The following SUDS3 variants were observed in gnomAD, a reference collection of about 807,000 sequenced individuals.
SUDS3 encodes SIN3A corepressor complex component SDS3.
SUDS3 carries 23 observed loss-of-function variants against 53.5 expected under a neutral mutation model. The ratio of observed to expected loss-of-function variants is 0.43; its 90% CI spans 0.31 to 0.61. The LOEUF is 0.61. Among genes scored for constraint, SUDS3 ranks in the 20% least tolerant of loss-of-function variants. SUDS3 has a pLI of 0.10. For missense variants in SUDS3, 291 were observed against 405.9 expected (o/e 0.72, Z 2.43); for synonymous variants, 150 against 148.5 (o/e 1.01, Z -0.08).
intron 3 of SUDS3, among the ~76,000 whole-genome samples, chr12:118,385,836 C>T (rs1211490560): frequency 6.6e-6 from 1 of 152,148 alleles, no homozygotes; most frequent in Non-Finnish European, 1.5e-5. Context: ...CAGACTGTTG[C>T]AGCAACTGAT....
rs780794139 is a variant in SUDS3, at chr12:118,401,739, A to T, written c.614-20A>T. On this transcript the variant is annotated intron_variant, in intron 7 of 11. Transcript: ENST00000543473. ...CCTGGAAACTGTACTTTTCACATACAGTCCTTTAACTCTCAACACCCCAGC... is the reference window on the plus strand; with the variant it reads ...CCTGGAAACTGTACTTTTCACATACTGTCCTTTAACTCTCAACACCCCAGC... The T allele has an allele frequency of 6.2e-7, 1 of 1,608,090 alleles. No individual in the cohort carries two copies. The highest frequency in any genetic ancestry group is 8.5e-7 in the Non-Finnish European group (1 of 1,174,640).
At chr12:118,389,579 T>C (rs947616207) in intron 4 of SUDS3, among the ~76,000 whole-genome samples, 16 of 151,192 alleles carry the variant, frequency 1.1e-4, no homozygotes, top group African/African-American at 3.9e-4. Context: ...TGGCACAATC[T>C]CAGCTTACTG....
chr12:118,412,553 AC>A (rs1423999921), intron 11 of SUDS3, among the ~76,000 whole-genome samples: 1 of 152,180 alleles, frequency 6.6e-6, no homozygotes, highest in Non-Finnish European at 1.5e-5. Context: ...CCAAGTCAGA[AC>A]CAGAACAGGG....
chr12:118,413,749 G>T (rs2046377752), intron 11 of SUDS3, among the ~76,000 whole-genome samples: 1 of 152,202 alleles, frequency 6.6e-6, no homozygotes, highest in South Asian at 2.1e-4. Context: ...GTCTGTGAGA[G>T]GGGGATATGG....
At chr12:118,386,822 G>C (rs2046119150) in intron 4 of SUDS3, among the ~76,000 whole-genome samples, 2 of 152,190 alleles carry the variant, frequency 1.3e-5, no homozygotes, top group Admixed American at 6.5e-5. Context: ...GGAACACCGA[G>C]TTAAAGAGCC....
chr12:118,400,818 C>T, intron 7 of SUDS3, 64 bp downstream of exon 7: 2 of 1,482,828 alleles, frequency 1.3e-6, no homozygotes, highest in East Asian at 2.3e-5. Flanking sequence ...CTATGTTTAT[C>T]CGTTTGCTAG....
At chr12:118,392,246 T>C (rs377646355) in intron 6 of SUDS3, among the ~76,000 whole-genome samples, 3 of 152,218 alleles carry the variant, frequency 2.0e-5, no homozygotes, top group East Asian at 3.8e-4. Context: ...AGGAAATGCA[T>C]GCAGTGTTTT....
chr12:118,399,876 T>C (rs2141380159), intron 6 of SUDS3, among the ~76,000 whole-genome samples: 2 of 152,140 alleles, frequency 1.3e-5, no homozygotes, highest in Non-Finnish European at 2.9e-5. Flanking sequence ...GAGGGATGTG[T>C]GGAGCTGGAA....
intron 11 of SUDS3, 53 bp downstream of exon 11, chr12:118,411,210 G>A: frequency 6.6e-7 from 1 of 1,505,628 alleles, no homozygotes; most frequent in Non-Finnish European, 9.1e-7. Flanking sequence ...ACTGCGAAGT[G>A]TTGGTAGGGC....
chr12:118,405,116 G>C (rs1439056864), intron 10 of SUDS3, among the ~76,000 whole-genome samples: 2 of 152,162 alleles, frequency 1.3e-5, no homozygotes, highest in African/African-American at 4.8e-5. Context: ...TAGGTGGCAG[G>C]CTCTAACAGC....
At chr12:118,391,873 A>T (rs2046171272) in intron 6 of SUDS3, among the ~76,000 whole-genome samples, 1 of 152,260 alleles carries the variant, frequency 6.6e-6, no homozygotes, top group Non-Finnish European at 1.5e-5. Context: ...CAGGATAGCC[A>T]AACTGAACTA....
At chr12:118,404,417 G>A (rs1409693770) in intron 10 of SUDS3, 4 of 152,170 alleles carry the variant, frequency 2.6e-5, no homozygotes, top group Non-Finnish European at 5.9e-5. Context: ...TGCATTCCTG[G>A]TTTACATTGA....
chr12:118,403,150 C>T (rs1033050380), intron 9 of SUDS3, among the ~76,000 whole-genome samples: 20 of 152,176 alleles, frequency 1.3e-4, no homozygotes, highest in African/African-American at 4.8e-4. Flanking sequence ...TGTATTTGCA[C>T]ATTTGACCTT....
chr12:118,377,263 A>G (rs146767696), intron 1 of SUDS3, among the ~76,000 whole-genome samples: 33 of 151,990 alleles, frequency 2.2e-4, no homozygotes, highest in African/African-American at 7.2e-4. Flanking sequence ...TAGGTAGTAC[A>G]CTATTGAGAA....
chr12:118,413,877 A>G (rs967013033), intron 11 of SUDS3, among the ~76,000 whole-genome samples: 2 of 152,178 alleles, frequency 1.3e-5, no homozygotes, highest in African/African-American at 4.8e-5. Flanking sequence ...CTGCACAACC[A>G]TTAGCCTTCA....
At chr12:118,405,531 A>C (rs2046301544) in intron 10 of SUDS3, among the ~76,000 whole-genome samples, 1 of 152,264 alleles carries the variant, frequency 6.6e-6, no homozygotes, top group Admixed American at 6.5e-5. Flanking sequence ...AACAGCAGAA[A>C]TTTAGAAAAT....
At chr12:118,397,724 AT>A (rs553865776) in intron 6 of SUDS3, among the ~76,000 whole-genome samples, 201 of 145,996 alleles carry the variant, frequency 1.4e-3, no homozygotes, top group Admixed American at 1.9e-3. Flanking sequence ...AATAAAATAG[AT>A]TTTTTTTTTT....
rs183728530 is a variant in SUDS3, at chr12:118,398,930, A to G, written c.518-1729A>G. On this transcript the variant is annotated intron_variant, in intron 6 of 11. Coordinates refer to ENST00000543473, the MANE Select transcript of SUDS3 (RefSeq NM_022491.3). ...TTGTATAGATGCTCTGGTTACTTGGAGGATGGAATGAGTTTCTGCCTTTGA... is the reference window on the plus strand; with the variant it reads ...TTGTATAGATGCTCTGGTTACTTGGGGGATGGAATGAGTTTCTGCCTTTGA... Among the ~76,000 whole-genome samples the G allele has an allele frequency of 2.4e-4, 37 of 152,272 alleles. No homozygotes were observed. The South Asian group carries it at 3.7e-3, about 15-fold the overall frequency.
intron 1 of SUDS3, among the ~76,000 whole-genome samples, chr12:118,378,395 T>C (rs139172375): frequency 2.0e-5 from 3 of 152,306 alleles, no homozygotes; most frequent in Non-Finnish European, 4.4e-5. Context: ...ACTGAACATG[T>C]GCAGACTTTT....
Sources: allele counts gnomAD v4.1 joint callset (sites outside exome capture counted in the v4.1 genomes callset), GRCh38; gene constraint gnomAD v4.1.1; transcripts MANE v1.5; gene names NCBI Gene and HGNC (gene_info 2026-07-23, HGNC 2026-07-21).